The following LEMD1 variants were observed in gnomAD, a reference collection of about 807,000 sequenced individuals.
LEMD1 encodes the protein LEM domain containing 1, also known as LEM domain-containing protein 1.
LEMD1 carries 18 observed loss-of-function variants against 17.4 expected under a neutral mutation model. The observed-to-expected ratio is 1.04, with a 90% CI of 0.72 to 1.54. The LOEUF (loss-of-function observed/expected upper bound fraction) is 1.54, where lower values mean the gene tolerates loss of function less well. Among genes scored for constraint, LEMD1 ranks in the 40% most tolerant of loss-of-function variants. LEMD1 has a pLI of 0.00. For synonymous variants in LEMD1, 88 were observed against 77.8 expected (o/e 1.13, Z -0.69); for missense variants, 195 against 210.4 (o/e 0.93, Z 0.45).
At chr1:205,401,250 T>C (rs1328252532) in intron 4 of LEMD1, among the ~76,000 whole-genome samples, 2 of 152,198 alleles carry the variant, frequency 1.3e-5, no homozygotes, top group African/African-American at 2.4e-5. Flanking sequence ...TTTCTAGTCC[T>C]AGATCCCCGA....
intron 4 of LEMD1, among the ~76,000 whole-genome samples, chr1:205,406,025 G>A (rs535923176): frequency 5.0e-4 from 76 of 152,306 alleles, no homozygotes; most frequent in Middle Eastern, 3.4e-3. Flanking sequence ...GCGGATTTTC[G>A]TGATCCACGA....
At chr1:205,407,111 C>G (rs1665151499) in intron 4 of LEMD1, among the ~76,000 whole-genome samples, 1 of 152,028 alleles carries the variant, frequency 6.6e-6, no homozygotes, top group Admixed American at 6.6e-5. Context: ...GCGGGTGGAT[C>G]ACGAGGTCAG....
chr1:205,422,614 C>A (rs1665994130), upstream of LEMD1, among the ~76,000 whole-genome samples: 1 of 141,626 alleles, frequency 7.1e-6, no homozygotes, highest in Non-Finnish European at 1.6e-5. Context: ...ATATTATCAT[C>A]TACATCGCAA....
Position 205,414,410 on chromosome 1 carries a change from CCT to C in LEMD1, c.270+1820_270+1821del, listed in dbSNP as rs1278535474. Among the ~76,000 whole-genome samples, 17 of 143,028 alleles carry C rather than the reference CCT, an allele frequency of 1.2e-4. No homozygotes were observed. In the East Asian group the frequency reaches 2.0e-3, roughly 16 times the overall value. The allele number at this position is 143,028 out of a possible 152,430, so 93.8% of individuals were successfully genotyped here. Reference sequence around the variant, plus strand: ...CCAGCCTGGGCGACAGCGTGAGACCCCTGTCTCTACAAAAAAAAAAAAAGTTT... The same window carrying C: ...CCAGCCTGGGCGACAGCGTGAGACCCGTCTCTACAAAAAAAAAAAAAGTTT... On this transcript the variant is annotated intron_variant, in intron 4 of 5. Coordinates refer to ENST00000367153, the MANE Select transcript of LEMD1 (RefSeq NM_001199050.2).
chr1:205,409,803 G>A (rs532827966), intron 4 of LEMD1, among the ~76,000 whole-genome samples: 1 of 148,192 alleles, frequency 6.7e-6, no homozygotes, highest in African/African-American at 2.5e-5. Context: ...ACAGAGTTTT[G>A]CGCTTGTTGC....
In LEMD1 at chr1:205,389,918, A is replaced by G. The variant is rs377754980; in HGVS notation, c.271-5554T>C. On this transcript the variant is annotated intron_variant, in intron 4 of 5. Coordinates refer to ENST00000367153, the MANE Select transcript of LEMD1 (RefSeq NM_001199050.2). ...TTGTTTTTGCCTGAATCCTGATATG[A>G]TAAAGCTTTTATTTAAAACGTTGTG... 3.9e-5 allele frequency among the ~76,000 whole-genome samples: 6 copies of G among 152,370 alleles called. No individual in the cohort carries two copies. The South Asian group carries it at 1.0e-3, about 26-fold the overall frequency.
At chr1:205,419,617 C>T (rs1216950295) in intron 2 of LEMD1, among the ~76,000 whole-genome samples, 1 of 152,182 alleles carries the variant, frequency 6.6e-6, no homozygotes, top group African/African-American at 2.4e-5. Flanking sequence ...GGTTCGCCAC[C>T]ACACTCGGCT....
At chr1:205,409,998 A>G (rs935799312) in intron 4 of LEMD1, among the ~76,000 whole-genome samples, 15 of 151,276 alleles carry the variant, frequency 9.9e-5, no homozygotes, top group Admixed American at 9.9e-4. Context: ...TTGGTCTTGA[A>G]CTCCTGACCT....
At chr1:205,414,381 G>A (rs994226575) in intron 4 of LEMD1, among the ~76,000 whole-genome samples, 19 of 150,622 alleles carry the variant, frequency 1.3e-4, no homozygotes, top group Admixed American at 9.3e-4. Context: ...CCAAGAGTTC[G>A]AGACCAGCCT....
In LEMD1 at chr1:205,420,532, A is replaced by C. The variant is rs1665915675; in HGVS notation, c.5T>G (p.Val2Gly). Reference sequence around the variant, plus strand: ...ACAGTCACTCAGACACTTCACATCCACCATGATGATAGAAGTTTGGCCTCT... The same window carrying C: ...ACAGTCACTCAGACACTTCACATCCCCCATGATGATAGAAGTTTGGCCTCT... M[V>G]DVKCLSDCKL... The change falls in exon 2 of 6, where the codon GTG becomes GGG. Residue 2 changes from valine to glycine, a missense_variant. By Grantham distance (109) the Val-to-Gly change is moderately radical. Coordinates refer to ENST00000367153, the MANE Select transcript of LEMD1 (RefSeq NM_001199050.2). 1 of 1,613,498 alleles carries C rather than the reference A, an allele frequency of 6.2e-7. No homozygotes were observed. The highest frequency in any genetic ancestry group is 1.3e-5 in the African/African-American group (1 of 74,898).
intron 4 of LEMD1, among the ~76,000 whole-genome samples, chr1:205,401,983 T>C (rs1317801397): frequency 6.6e-6 from 1 of 152,160 alleles, no homozygotes; most frequent in African/African-American, 2.4e-5. Flanking sequence ...TGCTTGTTTT[T>C]CTCAGGTTTG....
intron 4 of LEMD1, among the ~76,000 whole-genome samples, chr1:205,407,514 G>T (rs182251288): frequency 2.6e-5 from 4 of 152,044 alleles, no homozygotes; most frequent in African/African-American, 9.7e-5. Flanking sequence ...GTTGGTGAAC[G>T]CATTAAGGTA....
At chr1:205,445,101 G>C (rs916568902) in intron 1 of LEMD1, among the ~76,000 whole-genome samples, 2 of 152,168 alleles carry the variant, frequency 1.3e-5, no homozygotes, top group African/African-American at 4.8e-5. Flanking sequence ...CCGGATTTGG[G>C]GGATTAGCTC....
At chr1:205,440,497 T>C (rs1389091201) in intron 1 of LEMD1, 1 of 152,246 alleles carries the variant, frequency 6.6e-6, no homozygotes, top group African/African-American at 2.4e-5. Flanking sequence ...TGCTGGAAGT[T>C]CTCTGCTAGA....
intron 4 of LEMD1, among the ~76,000 whole-genome samples, chr1:205,403,812 C>T (rs1012789441): frequency 2.6e-5 from 4 of 151,996 alleles, no homozygotes; most frequent in African/African-American, 9.7e-5. Flanking sequence ...AATTTTGGAT[C>T]TTTCCTGCTT....
chr1:205,422,800 G>A (rs957034225), upstream of LEMD1, among the ~76,000 whole-genome samples: 2 of 152,152 alleles, frequency 1.3e-5, no homozygotes, highest in Non-Finnish European at 2.9e-5. Flanking sequence ...ATCTGAAAGG[G>A]GTGAAGAGGA....
chr1:205,413,227 A>C lies in LEMD1; in HGVS notation c.270+3005T>G, dbSNP rs552153903. Among the ~76,000 whole-genome samples, 4 of 152,286 alleles carry C rather than the reference A, an allele frequency of 2.6e-5. No homozygotes were observed. The East Asian group carries it at 7.7e-4, about 29-fold the overall frequency. ...GTGAGGTGAGCTTTGAACTCCTACT[A>C]TGTGCAAGACCCTGTGATAGCTACT... On this transcript the variant is annotated intron_variant, in intron 4 of 5. Transcript: ENST00000367153.
upstream of LEMD1, among the ~76,000 whole-genome samples, chr1:205,424,938 A>G (rs1408336318): frequency 6.6e-6 from 1 of 152,248 alleles, no homozygotes; most frequent in Non-Finnish European, 1.5e-5. Context: ...GGTTATTACA[A>G]CACTCTAGAA....
At chr1:205,400,529 C>G (rs1216246505) in intron 4 of LEMD1, among the ~76,000 whole-genome samples, 1 of 152,168 alleles carries the variant, frequency 6.6e-6, no homozygotes, top group African/African-American at 2.4e-5. Flanking sequence ...AAGGAAAAAT[C>G]AGACAAATCC....
Sources: gnomAD v4.1 joint callset for allele counts (sites outside exome capture counted in the v4.1 genomes callset) on GRCh38, gnomAD v4.1.1 for gene constraint, MANE v1.5 for transcripts, NCBI Gene and HGNC (gene_info 2026-07-23, HGNC 2026-07-21) for gene names.